Variants in COA1 observed in about 807,000 individuals in gnomAD.
COA1 encodes cytochrome c oxidase assembly factor 1 homolog.
In COA1, 13 loss-of-function variants were observed where a neutral mutation model predicts 16.0. That is an observed-to-expected ratio of 0.81 (90% CI 0.53 to 1.29). COA1 has a LOEUF of 1.29. Ranked by LOEUF, COA1 falls within the 50% of genes most tolerant of loss-of-function variation. The pLI, the probability that COA1 is intolerant of heterozygous loss-of-function variation, is 0.00. For missense variants in COA1, 179 were observed against 177.0 expected, an observed-to-expected ratio of 1.01 and a Z score of -0.06; for synonymous variants, 65 against 65.7, an observed-to-expected ratio of 0.99 and a Z score of 0.05.
At chr7:43,661,551 C>A (rs925804451) in intron 1 of COA1, among the ~76,000 whole-genome samples, 2 of 151,538 alleles carry the variant, frequency 1.3e-5, no homozygotes, top group African/African-American at 4.9e-5. Context: ...AGGAGAATGG[C>A]GTGAACCCGG....
intron 2 of COA1, 182 bp downstream of exon 2, chr7:43,648,418 G>C: frequency 1.3e-6 from 1 of 742,708 alleles, no homozygotes; most frequent in Non-Finnish European, 2.4e-6. Context: ...AGACACGAGA[G>C]AAAGACAGAG....
intron 1 of COA1, among the ~76,000 whole-genome samples, chr7:43,724,877 T>C (rs1486209285): frequency 6.6e-6 from 1 of 152,184 alleles, no homozygotes; most frequent in Non-Finnish European, 1.5e-5. Flanking sequence ...AATATAATGG[T>C]AGTTGCCAGG....
chr7:43,649,470 C>G (rs892385850), intron 1 of COA1: 4 of 152,272 alleles, frequency 2.6e-5, no homozygotes, highest in Non-Finnish European at 5.9e-5. Context: ...GCAGGCATGC[C>G]TTTCCTGCTA....
intron 6 of COA1, among the ~76,000 whole-genome samples, chr7:43,616,696 G>T (rs1014083551): frequency 6.6e-6 from 1 of 152,180 alleles, no homozygotes; most frequent in Admixed American, 6.5e-5. Context: ...AGGAGATCGA[G>T]ACCATCCTGG....
At chr7:43,697,668 G>C (rs1361365925) in intron 1 of COA1, among the ~76,000 whole-genome samples, 1 of 152,204 alleles carries the variant, frequency 6.6e-6, no homozygotes, top group Non-Finnish European at 1.5e-5. Context: ...TGGTAAAGCT[G>C]TCAGGGCTTT....
intron 1 of COA1, among the ~76,000 whole-genome samples, chr7:43,684,999 CTAGT>C (rs1219206655): frequency 2.0e-5 from 3 of 152,038 alleles, no homozygotes; most frequent in Non-Finnish European, 2.9e-5. Flanking sequence ...AACTAGCTCA[CTAGT>C]TAGTGAGCAG....
intron 1 of COA1, among the ~76,000 whole-genome samples, chr7:43,725,639 C>A (rs2095601297): frequency 6.6e-6 from 1 of 152,132 alleles, no homozygotes; most frequent in Non-Finnish European, 1.5e-5. Flanking sequence ...CGGTGGATCA[C>A]CTGAGGTCAG....
intron 1 of COA1, among the ~76,000 whole-genome samples, chr7:43,666,405 C>T (rs536296768): frequency 6.6e-6 from 1 of 152,268 alleles, no homozygotes; most frequent in South Asian, 2.1e-4. Flanking sequence ...AAGGGCTCCA[C>T]CCTAAAGCCA....
At chr7:43,621,582 CT>C (rs2083892928) in intron 6 of COA1, among the ~76,000 whole-genome samples, 1 of 152,166 alleles carries the variant, frequency 6.6e-6, no homozygotes, top group Non-Finnish European at 1.5e-5. Context: ...CTCCTCCTGC[CT>C]CAGCCTCCCG....
intron 1 of COA1, among the ~76,000 whole-genome samples, chr7:43,691,354 AGGGAGGG>A (rs2094320009): frequency 3.2e-5 from 1 of 31,270 alleles, no homozygotes; most frequent in Non-Finnish European, 6.4e-5. Flanking sequence ...GGAGGGAGGG[AGGGAGGG>A]AGGGAGGGAG....
At chr7:43,640,144 G>A (rs967139031) in intron 5 of COA1, among the ~76,000 whole-genome samples, 2 of 152,124 alleles carry the variant, frequency 1.3e-5, no homozygotes, top group Admixed American at 1.3e-4. Flanking sequence ...GAAGTGAGTG[G>A]ATGTAGCTAT....
intron 1 of COA1, among the ~76,000 whole-genome samples, chr7:43,656,711 A>G (rs1253902232): frequency 6.6e-6 from 1 of 152,248 alleles, no homozygotes; most frequent in Non-Finnish European, 1.5e-5. Context: ...CAAAAAAACA[A>G]AAAGTATTTG....
intron 1 of COA1, chr7:43,665,699 T>C (rs1372461561): frequency 6.6e-6 from 1 of 152,396 alleles, no homozygotes; most frequent in East Asian, 1.9e-4. Flanking sequence ...CTTCCAATCA[T>C]GGCAGAAGGG....
chr7:43,719,925 A>T (rs1231359241), intron 1 of COA1, among the ~76,000 whole-genome samples: 2 of 152,176 alleles, frequency 1.3e-5, no homozygotes, highest in Admixed American at 1.3e-4. Context: ...ATCACAGAAC[A>T]GGGAGGAGGG....
At chr7:43,618,345 C>T (rs915407635) in intron 6 of COA1, among the ~76,000 whole-genome samples, 6 of 152,064 alleles carry the variant, frequency 3.9e-5, no homozygotes, top group Admixed American at 6.5e-5. Flanking sequence ...GGGGAGAGGG[C>T]GTCCTGAACA....
intron 6 of COA1, among the ~76,000 whole-genome samples, chr7:43,629,351 T>C (rs1254916234): frequency 6.6e-6 from 1 of 152,242 alleles, no homozygotes; most frequent in Non-Finnish European, 1.5e-5. Flanking sequence ...AGAAGCCTTG[T>C]GGATTTTTAT....
intron 1 of COA1, among the ~76,000 whole-genome samples, chr7:43,726,456 A>G (rs1461202889): frequency 6.6e-6 from 1 of 152,206 alleles, no homozygotes; most frequent in Non-Finnish European, 1.5e-5. Flanking sequence ...AAAGTTAACT[A>G]AATAGATTGA....
At chr7:43,683,633 C>CA (rs938341740) in intron 1 of COA1, among the ~76,000 whole-genome samples, 164 of 141,902 alleles carry the variant, frequency 1.2e-3, no homozygotes, top group East Asian at 6.3e-3. Flanking sequence ...GACTCTGTCT[C>CA]AAAAAAAAAA....
chr7:43,686,354 G>T (rs56288109), intron 1 of COA1, among the ~76,000 whole-genome samples: 1 of 147,406 alleles, frequency 6.8e-6, no homozygotes, highest in African/African-American at 2.5e-5. Flanking sequence ...TCGCCCAGGC[G>T]GGAGTGCTGT....
Sources: allele counts gnomAD v4.1 joint callset (sites outside exome capture counted in the v4.1 genomes callset), GRCh38; gene constraint gnomAD v4.1.1; transcripts MANE v1.5; gene names NCBI Gene and HGNC (gene_info 2026-07-23, HGNC 2026-07-21).